Variants in ZNF565 observed in about 807,000 individuals in gnomAD.
ZNF565 encodes zinc finger protein 565.
In ZNF565, 27 loss-of-function variants were observed where a neutral mutation model predicts 39.4. The ratio of observed to expected loss-of-function variants is 0.69; its 90% CI spans 0.51 to 0.95. ZNF565 has a LOEUF of 0.95. Ranked by LOEUF, ZNF565 falls within the 40% of genes least tolerant of loss-of-function variation. The pLI is 0.00. For missense variants in ZNF565, 524 were observed against 621.1 expected (o/e 0.84, Z 1.66); for synonymous variants, 185 against 216.6 (o/e 0.85, Z 1.28).
intron 4 of ZNF565, 53 bp downstream of exon 4, chr19:36,194,179 CT>C: frequency 6.8e-7 from 1 of 1,467,466 alleles, no homozygotes; most frequent in Non-Finnish European, 9.3e-7. Context: ...CAAGTTACTC[CT>C]GTCAGTCGAC....
intron 1 of ZNF565, among the ~76,000 whole-genome samples, chr19:36,229,698 C>A (rs1354184842): frequency 1.3e-5 from 2 of 151,880 alleles, no homozygotes; most frequent in African/African-American, 4.8e-5. Flanking sequence ...TCTTAGAATT[C>A]TCTGTCAACA....
chr19:36,213,320 C>CA (rs1304862495), intron 1 of ZNF565: 2 of 152,354 alleles, frequency 1.3e-5, no homozygotes, highest in African/African-American at 4.8e-5. Context: ...GAGATCCTCC[C>CA]ACCTCAGCTT....
At chr19:36,209,721 T>C (rs1466054485) in intron 1 of ZNF565, among the ~76,000 whole-genome samples, 1 of 152,060 alleles carries the variant, frequency 6.6e-6, no homozygotes, top group Non-Finnish European at 1.5e-5. Flanking sequence ...ATATTACACA[T>C]AAATATTATG....
At chr19:36,235,258 A>AT (rs1977603783) in intron 1 of ZNF565, among the ~76,000 whole-genome samples, 1 of 151,374 alleles carries the variant, frequency 6.6e-6, no homozygotes, top group Non-Finnish European at 1.5e-5. Context: ...CTTCCTTAGC[A>AT]TCCCAGGTAG....
At chr19:36,228,158 C>CAAAAA (rs71171422) in intron 1 of ZNF565, among the ~76,000 whole-genome samples, 2 of 106,628 alleles carry the variant, frequency 1.9e-5, no homozygotes, top group Non-Finnish European at 1.8e-5. Flanking sequence ...GAAACTGTCT[C>CAAAAA]AAAAAAAAAA....
At chr19:36,223,019 G>T (rs1470449694) in intron 1 of ZNF565, among the ~76,000 whole-genome samples, 2 of 151,996 alleles carry the variant, frequency 1.3e-5, no homozygotes, top group Non-Finnish European at 2.9e-5. Flanking sequence ...TCACTGTGTT[G>T]CACAGGCTGG....
intron 1 of ZNF565, among the ~76,000 whole-genome samples, chr19:36,221,927 C>CTTTTTTT (rs60347994): frequency 4.6e-5 from 5 of 109,890 alleles, no homozygotes; most frequent in Non-Finnish European, 7.1e-5. Context: ...TTTTTTCTTT[C>CTTTTTTT]TTTTTTTTTT....
Position 36,245,536 on chromosome 19 carries a change from T to C in ZNF565, c.-6A>G. 1.4e-6 allele frequency: 1 copy of C among 702,154 alleles called. No individual in the cohort carries two copies. The highest frequency in any genetic ancestry group is 2.6e-6 in the Non-Finnish European group (1 of 384,776). The allele number at this position is 702,154 out of a possible 1,614,324, so 43.5% of individuals were successfully genotyped here. On this transcript the variant is annotated 5_prime_UTR_variant, in exon 1 of 5. Coordinates refer to the ZNF565 transcript ENST00000355114. The surrounding 1 kb of genome is among the most constrained non-coding windows in gnomAD (Gnocchi z 4.4). ...TCCCAGGGTCCACGGCGCATTTAGGTGGTGGCTTGCTCTGGACTACATTTC... is the reference window on the plus strand; with the variant it reads ...TCCCAGGGTCCACGGCGCATTTAGGCGGTGGCTTGCTCTGGACTACATTTC...
intron 2 of ZNF565, among the ~76,000 whole-genome samples, chr19:36,200,389 A>C (rs979995594): frequency 6.6e-6 from 1 of 152,144 alleles, no homozygotes; most frequent in Non-Finnish European, 1.5e-5. Flanking sequence ...AGTAACATAC[A>C]TTTTATGAAA....
intron 3 of ZNF565, 95 bp from the exon 4 acceptor site, chr19:36,194,423 G>A: frequency 2.1e-6 from 2 of 932,166 alleles, no homozygotes; most frequent in Admixed American, 5.5e-5. Context: ...TTACAAGGTA[G>A]GTGGAAGGTT....
intron 2 of ZNF565, among the ~76,000 whole-genome samples, chr19:36,199,542 CTG>C (rs1359986697): frequency 7.5e-6 from 1 of 134,226 alleles, no homozygotes; most frequent in Non-Finnish European, 1.5e-5. Context: ...GGGTCTAAGT[CTG>C]TCGCCCAGGC....
chr19:36,244,074 C>T (rs1450744356), intron 1 of ZNF565, among the ~76,000 whole-genome samples: 1 of 152,018 alleles, frequency 6.6e-6, no homozygotes, highest in Non-Finnish European at 1.5e-5. Flanking sequence ...TTAGGCTGCT[C>T]TGCCACTGCC....
At chr19:36,221,381 C>T (rs2432043) in intron 1 of ZNF565, among the ~76,000 whole-genome samples, 55,708 of 149,486 alleles carry the variant, frequency 0.37, 10,589 homozygotes, top group South Asian at 0.49. Context: ...CTCCGCCTCC[C>T]GGGTTCACGC....
At chr19:36,207,722 A>G (rs1287673714) in intron 1 of ZNF565, among the ~76,000 whole-genome samples, 1 of 152,194 alleles carries the variant, frequency 6.6e-6, no homozygotes, top group African/African-American at 2.4e-5. Flanking sequence ...AGGGCCATGC[A>G]CTGCTCTAGC....
chr19:36,236,768 A>G (rs763369321), intron 1 of ZNF565: 1 of 1,614,176 alleles, frequency 6.2e-7, no homozygotes, highest in Non-Finnish European at 8.5e-7. Flanking sequence ...GAAAGCTTTC[A>G]TTCAGAAGTC....
At chr19:36,188,182 C>T (rs544645987) in intron 4 of ZNF565, among the ~76,000 whole-genome samples, 6 of 150,786 alleles carry the variant, frequency 4.0e-5, no homozygotes, top group African/African-American at 1.2e-4. Context: ...CGGTGAAACC[C>T]GTCTCTACTA....
intron 1 of ZNF565, chr19:36,236,406 A>AATGT: frequency 1.3e-6 from 2 of 1,556,084 alleles, no homozygotes; most frequent in Non-Finnish European, 1.7e-6. Flanking sequence ...TTTACTGGAG[A>AATGT]GAAACCTTGT....
chr19:36,194,345 A>C lies in ZNF565; in HGVS notation c.137-17T>G. The C allele has an allele frequency of 6.3e-7, 1 of 1,593,640 alleles. No individual in the cohort carries two copies. The highest frequency in any genetic ancestry group is 8.6e-7 in the Non-Finnish European group (1 of 1,167,698). On this transcript the variant is annotated splice_polypyrimidine_tract_variant and intron_variant, in intron 3 of 4. Transcript: ENST00000304116. The stretch of plus-strand genomic sequence containing the variant: ...TGGAGAGTCCTGTTTACAGGAAAAG[A>C]AATGGGGTGTGATCAGACCGCTCCA...
chr19:36,208,589 C>T (rs1976241126), intron 1 of ZNF565, among the ~76,000 whole-genome samples: 1 of 152,034 alleles, frequency 6.6e-6, no homozygotes, highest in Admixed American at 6.6e-5. Context: ...GTTGAGCTAT[C>T]TCTACACCAC....
Sources: allele counts gnomAD v4.1 joint callset (sites outside exome capture counted in the v4.1 genomes callset), GRCh38; gene constraint gnomAD v4.1.1; non-coding constraint Gnocchi (gnomAD v3.1); transcripts MANE v1.5; gene names NCBI Gene and HGNC (gene_info 2026-07-23, HGNC 2026-07-21).